Variants in CEP295 observed in about 807,000 individuals in gnomAD.
CEP295 encodes the protein centrosomal protein 295, also known as centrosomal protein of 295 kDa.
CEP295 carries 190 observed loss-of-function variants against 291.6 expected under a neutral mutation model. The observed-to-expected ratio is 0.65, with a 90% CI of 0.58 to 0.73. The LOEUF (loss-of-function observed/expected upper bound fraction) is 0.73. Ranked by LOEUF, CEP295 falls within the 30% of genes least tolerant of loss-of-function variation. The pLI is 0.00. For synonymous variants in CEP295, 993 were observed against 1,038.8 expected (o/e 0.96, Z 0.85); for missense variants, 2,863 against 2,949.4 (o/e 0.97, Z 0.68).
chr11:93,683,765 T>C, intron 8 of CEP295, 23 bp downstream of exon 8: 1 of 1,516,416 alleles, frequency 6.6e-7, no homozygotes, highest in Non-Finnish European at 8.8e-7. Context: ...CAGTAGGGCT[T>C]TCAATAGTGA....
chr11:93,680,063 G>A (rs1047804518), intron 7 of CEP295, among the ~76,000 whole-genome samples: 7 of 152,132 alleles, frequency 4.6e-5, no homozygotes, highest in Non-Finnish European at 8.8e-5. Context: ...GATCGCATAG[G>A]CCCGGGAGTT....
At chr11:93,705,246 G>A (rs1027091842) in intron 17 of CEP295, among the ~76,000 whole-genome samples, 11 of 152,120 alleles carry the variant, frequency 7.2e-5, no homozygotes, top group African/African-American at 2.7e-4. Context: ...GATAAAAATT[G>A]GTTCTTGGGG....
rs555022726 is a variant in CEP295 at position 93,675,664 on chromosome 11, C to T, written c.622C>T (p.Arg208Trp). 6 of 1,425,504 alleles carry T rather than the reference C, an allele frequency of 4.2e-6. No individual in the cohort carries two copies. The African/African-American group carries it at 8.7e-5, about 21-fold the overall frequency. The allele number at this position is 1,425,504 out of a possible 1,614,324, so 88.3% of individuals were successfully genotyped here. A position where few individuals can be genotyped will look rare whatever the true frequency, so the allele number is the denominator to read the frequency against. ...TFVNRETDTK[R>W]PDARLAAEEE... Reference sequence around the variant, plus strand: ...TGTGAATAGAGAGACAGACACAAAACGGGTGATTGACTTATTGTTTCTTCA... The same window carrying T: ...TGTGAATAGAGAGACAGACACAAAATGGGTGATTGACTTATTGTTTCTTCA... Residue 208 changes from arginine (R) to tryptophan (W), a missense_variant and splice_region_variant, in exon 6 of 30, where the codon CGG becomes TGG. Around this residue, in one of 3 missense-constraint regions of CEP295, gnomAD observed 554 missense variants for 576.0 expected, o/e 0.96. Transcript: ENST00000325212.
chr11:93,691,865 A>G (rs1330232704), intron 11 of CEP295, 62 bp from the exon 12 acceptor site: 7 of 1,294,132 alleles, frequency 5.4e-6, no homozygotes, highest in Non-Finnish European at 7.6e-6. Flanking sequence ...AAGAAAGGGC[A>G]TTATAGTGGT....
Position 93,669,753 on chromosome 11 carries a change from C to G in CEP295, c.511C>G (p.Pro171Ala). The change falls in exon 5 of 30, where the codon CCT (proline) becomes GCT (alanine). Residue 171 changes from proline (P) to alanine (A), a missense_variant. By Grantham distance (27) the Pro-to-Ala change is conservative (BLOSUM62 -1). Around this residue, in one of 3 missense-constraint regions of CEP295, gnomAD observed 554 missense variants for 576.0 expected, o/e 0.96. Transcript: ENST00000325212. ...SAKITSLPPP[P>A]PTLFENIEVK... Reference sequence around the variant, plus strand: ...CAAAATTACAAGTCTGCCACCTCCTCCTCCAACTCTTTTTGAGGTGAGTTT... The same window carrying G: ...CAAAATTACAAGTCTGCCACCTCCTGCTCCAACTCTTTTTGAGGTGAGTTT... 1 of 1,549,926 alleles carries G rather than the reference C, an allele frequency of 6.5e-7. No homozygotes were observed. Among genetic ancestry groups the G allele is most frequent in the Non-Finnish European group, 8.7e-7 (1 of 1,145,576 alleles).
intron 6 of CEP295, among the ~76,000 whole-genome samples, chr11:93,677,653 C>T (rs1051069354): frequency 1.3e-5 from 2 of 152,086 alleles, no homozygotes. Context: ...ATGAACTTTG[C>T]ATTCTGAAAA....
chr11:93,692,982 A>AC (rs1951652071), intron 12 of CEP295, among the ~76,000 whole-genome samples: 1 of 149,906 alleles, frequency 6.7e-6, no homozygotes, highest in African/African-American at 2.5e-5. Flanking sequence ...CAAAAAAAAA[A>AC]AAAAAAAACA....
intron 18 of CEP295, among the ~76,000 whole-genome samples, chr11:93,715,808 A>G (rs1440645956): frequency 1.3e-5 from 2 of 152,030 alleles, no homozygotes; most frequent in Non-Finnish European, 2.9e-5. Flanking sequence ...TGGGGACCTC[A>G]TAAGTCCTCC....
At position 93,663,962 on chromosome 11, in the gene CEP295, T is replaced by A. The variant is rs1466505581; in HGVS notation, c.-27+2188T>A. On this transcript the variant is annotated intron_variant, in intron 1 of 29. Transcript: ENST00000325212. Reference sequence around the variant, plus strand: ...AATTTTCAGTACCCCAGCAAGCTTCTTTGTGCCATCTCCGAGTCAGTAACT... The same window carrying A: ...AATTTTCAGTACCCCAGCAAGCTTCATTGTGCCATCTCCGAGTCAGTAACT... Among the ~76,000 whole-genome samples, 5 of 152,204 alleles carry A rather than the reference T, an allele frequency of 3.3e-5. 1 individual carries two copies. Among genetic ancestry groups the A allele is most frequent in the Admixed American group, 3.3e-4 (5 of 15,286 alleles).
chr11:93,715,166 C>T (rs991101827), intron 18 of CEP295, among the ~76,000 whole-genome samples: 2 of 152,132 alleles, frequency 1.3e-5, no homozygotes, highest in African/African-American at 4.8e-5. Flanking sequence ...CTACTGGGTA[C>T]TCTACTGTGG....
chr11:93,691,570 T>G (rs917680192), intron 10 of CEP295, 113 bp from the exon 11 acceptor site: 10 of 660,906 alleles, frequency 1.5e-5, no homozygotes, highest in Non-Finnish European at 2.4e-5. Flanking sequence ...CTTAACTAGA[T>G]GAGACATTCA....
intron 17 of CEP295, among the ~76,000 whole-genome samples, chr11:93,705,554 A>C (rs1952458543): frequency 6.6e-6 from 1 of 152,098 alleles, no homozygotes; most frequent in Non-Finnish European, 1.5e-5. Context: ...AGTTTCTAAA[A>C]GGTTACTCTT....
chr11:93,689,160 AC>A (rs1433222824), intron 10 of CEP295, among the ~76,000 whole-genome samples: 1 of 152,032 alleles, frequency 6.6e-6, no homozygotes, highest in African/African-American at 2.4e-5. Context: ...CAGCCTTTGC[AC>A]CTCCCTGTTA....
rs372981660 is a variant in CEP295, at chr11:93,685,833, CCCAAGTAGCTGGGACTACAG to C, written c.1114+1709_1114+1728del. On this transcript the variant is annotated intron_variant, in intron 9 of 29. Coordinates refer to ENST00000325212, the MANE Select transcript of CEP295 (RefSeq NM_033395.2). ...TCAAGTGATTCTCCTGTCTCAGCCT[CCCAAGTAGCTGGGACTACAG>C]CCACACACCACCATGCCTGGCTAAT... 8.1e-4 allele frequency among the ~76,000 whole-genome samples: 123 copies of C among 152,238 alleles called. No individual in the cohort carries two copies. The East Asian group carries it at 0.019, about 24-fold the overall frequency.
intron 12 of CEP295, among the ~76,000 whole-genome samples, chr11:93,693,627 G>A (rs756290522): frequency 3.3e-5 from 5 of 152,200 alleles, no homozygotes; most frequent in Non-Finnish European, 5.9e-5. Context: ...GTGGTGGTAC[G>A]CACCCACAAT....
chr11:93,725,507 AG>A, intron 22 of CEP295, 143 bp from the exon 23 acceptor site: 1 of 679,102 alleles, frequency 1.5e-6, no homozygotes. Flanking sequence ...TTGATTGAAA[AG>A]AACTGGATTT....
At position 93,687,877 on chromosome 11, in the gene CEP295, C is replaced by T. The variant is rs751838644; in HGVS notation, c.1336+12C>T. The T allele has an allele frequency of 6.6e-7, 1 of 1,525,072 alleles. No homozygotes were observed. The highest frequency in any genetic ancestry group is 1.2e-5 in the South Asian group (1 of 80,554). 94.5% of individuals were successfully genotyped at this position (1,525,072 alleles called of 1,614,324 possible). A position where few individuals can be genotyped will look rare whatever the true frequency, so the allele number is the denominator to read the frequency against. Reference sequence around the variant, plus strand: ...TGGGCAGGAACAAGGTATTTCTCTCCAAGAGTCTCATTTTCTATAAACCCT... The same window carrying T: ...TGGGCAGGAACAAGGTATTTCTCTCTAAGAGTCTCATTTTCTATAAACCCT... On this transcript the variant is annotated intron_variant, in intron 10 of 29. Coordinates refer to ENST00000325212, the MANE Select transcript of CEP295 (RefSeq NM_033395.2).
At chr11:93,726,381 G>A (rs894584394) in intron 23 of CEP295, among the ~76,000 whole-genome samples, 5 of 152,196 alleles carry the variant, frequency 3.3e-5, no homozygotes, top group Admixed American at 6.5e-5. Context: ...TGATCCACTC[G>A]TCTTGGCCTC....
In CEP295 at chr11:93,697,671, T is replaced by C. The variant is rs1377024517; in HGVS notation, c.2759T>C (p.Ile920Thr). 1 of 1,551,874 alleles carries C rather than the reference T, an allele frequency of 6.4e-7. No homozygotes were observed. Among genetic ancestry groups the C allele is most frequent in the Non-Finnish European group, 8.7e-7 (1 of 1,147,050 alleles). Residue 920 changes from isoleucine to threonine, a missense_variant, in exon 15 of 30, where the codon ATT becomes ACT. Ile to Thr is a moderately conservative substitution (Grantham distance 89, BLOSUM62 -1). Coordinates refer to ENST00000325212, the MANE Select transcript of CEP295 (RefSeq NM_033395.2). ...GAATCTTCACCAACCAAGAATAATATTGCAGTTTCCTCAGACCATCATGTG... is the reference window on the plus strand; with the variant it reads ...GAATCTTCACCAACCAAGAATAATACTGCAGTTTCCTCAGACCATCATGTG... ...IQESSPTKNN[I>T]AVSSDHHVIS...
Sources: gnomAD v4.1 joint callset for allele counts (sites outside exome capture counted in the v4.1 genomes callset) on GRCh38, gnomAD v4.1.1 for gene constraint, gnomAD v4.1.1 regional missense constraint, MANE v1.5 for transcripts, NCBI Gene and HGNC (gene_info 2026-07-23, HGNC 2026-07-21) for gene names.